ZZZ3: variants seen among roughly 807,000 people sequenced by gnomAD.
ZZZ3 encodes the protein ZZ-type zinc finger-containing protein 3.
A neutral mutation model predicts 95.2 loss-of-function variants in ZZZ3; 22 were observed. That is an observed-to-expected ratio of 0.23 (90% CI 0.17 to 0.33). The LOEUF is 0.33. Among genes scored for constraint, ZZZ3 ranks in the 10% least tolerant of loss-of-function variants. The pLI is 1.00. For missense variants in ZZZ3, 885 were observed against 1,066.5 expected, an observed-to-expected ratio of 0.83 and a Z score of 2.37; for synonymous variants, 335 against 358.9, an observed-to-expected ratio of 0.93 and a Z score of 0.75.
intron 9 of ZZZ3, chr1:77,580,778 C>A: frequency 2.4e-6 from 1 of 425,100 alleles, no homozygotes; most frequent in Non-Finnish European, 4.3e-6. Context: ...TATATATGCA[C>A]ACGCCATCAC....
chr1:77,639,482 T>A lies in ZZZ3; in HGVS notation c.-85A>T, dbSNP rs1249790296. On this transcript the variant is annotated 5_prime_UTR_variant, in exon 4 of 15. Transcript: ENST00000370801. ...CCAAAGATCTATCATTGTGGAAATA[T>A]AATCTCTTTTCCTTATATCCTGAAG... is the stretch of plus-strand genomic sequence containing the variant. 6 of 1,513,570 alleles carry A rather than the reference T, an allele frequency of 4.0e-6. No individual in the cohort carries two copies. In the African/African-American group the frequency reaches 8.4e-5, roughly 21 times the overall value. 93.8% of individuals were successfully genotyped at this position (1,513,570 alleles called of 1,614,324 possible).
intron 5 of ZZZ3, among the ~76,000 whole-genome samples, chr1:77,628,829 T>C (rs1667541026): frequency 6.6e-6 from 1 of 152,160 alleles, no homozygotes; most frequent in Non-Finnish European, 1.5e-5. Context: ...TCCCTACTGG[T>C]AGAGATATTC....
chr1:77,626,136 T>A (rs997286125), intron 5 of ZZZ3, among the ~76,000 whole-genome samples: 2 of 152,086 alleles, frequency 1.3e-5, no homozygotes, highest in Admixed American at 1.3e-4. Context: ...AAGCAAAAAA[T>A]TCACTTAATG....
chr1:77,645,412 G>C (rs1230435026), intron 1 of ZZZ3: 1 of 152,688 alleles, frequency 6.5e-6, no homozygotes, highest in African/African-American at 2.4e-5. Context: ...CTAAGTTGTA[G>C]TGCACTATGT....
intron 5 of ZZZ3, among the ~76,000 whole-genome samples, chr1:77,609,896 A>C (rs1359436887): frequency 6.6e-6 from 1 of 152,096 alleles, no homozygotes; most frequent in East Asian, 1.9e-4. Flanking sequence ...AGCCATGCTA[A>C]AAGGGAAGTT....
At chr1:77,569,282 AGCCAAGACTGT>A (rs377494412) in intron 12 of ZZZ3, among the ~76,000 whole-genome samples, 3,771 of 152,332 alleles carry the variant, frequency 0.025, 124 homozygotes, top group African/African-American at 0.087. Context: ...GGTTGCAGTG[AGCCAAGACTGT>A]GCCACTGCAC....
chr1:77,624,276 C>A (rs957478443), intron 5 of ZZZ3, among the ~76,000 whole-genome samples: 39 of 152,218 alleles, frequency 2.6e-4, no homozygotes, highest in African/African-American at 8.7e-4. Context: ...GTTCCTGAAT[C>A]CCTTAGAATT....
At chr1:77,640,414 C>T (rs942458928) in intron 3 of ZZZ3, among the ~76,000 whole-genome samples, 9 of 151,988 alleles carry the variant, frequency 5.9e-5, no homozygotes, top group African/African-American at 2.2e-4. Flanking sequence ...GCCTGGCCAA[C>T]ATGGTGAAAC....
intron 9 of ZZZ3, 45 bp downstream of exon 9, chr1:77,580,953 T>C: frequency 5.3e-6 from 8 of 1,519,504 alleles, no homozygotes; most frequent in Non-Finnish European, 7.3e-6. Context: ...ATGTTAACTG[T>C]TTACTTGTTT....
intron 1 of ZZZ3, among the ~76,000 whole-genome samples, chr1:77,681,026 C>G (rs1181847635): frequency 6.6e-6 from 1 of 152,030 alleles, no homozygotes; most frequent in African/African-American, 2.4e-5. Flanking sequence ...AGTATGCATA[C>G]GTAAGTCTTG....
intron 1 of ZZZ3, among the ~76,000 whole-genome samples, chr1:77,667,651 TGA>T (rs912502127): frequency 1.3e-5 from 2 of 152,150 alleles, no homozygotes; most frequent in Non-Finnish European, 2.9e-5. Context: ...ATTAAGTGAA[TGA>T]AAGAATGTTT....
At chr1:77,618,531 T>C (rs1666552417) in intron 5 of ZZZ3, among the ~76,000 whole-genome samples, 1 of 152,054 alleles carries the variant, frequency 6.6e-6, no homozygotes, top group South Asian at 2.1e-4. Flanking sequence ...AGACAAGCAG[T>C]GGTGAGAGAG....
chr1:77,670,076 C>T (rs908742321), intron 1 of ZZZ3, among the ~76,000 whole-genome samples: 2 of 142,998 alleles, frequency 1.4e-5, no homozygotes, highest in Admixed American at 7.0e-5. Flanking sequence ...ATTGTGACCC[C>T]CCCCCCCCAT....
chr1:77,572,422 C>A (rs1172804190), intron 12 of ZZZ3, among the ~76,000 whole-genome samples: 1 of 152,092 alleles, frequency 6.6e-6, no homozygotes, highest in Non-Finnish European at 1.5e-5. Flanking sequence ...CACTGCAAAC[C>A]TCTGCCTCCT....
chr1:77,600,735 T>C (rs1235176528), intron 5 of ZZZ3, among the ~76,000 whole-genome samples: 2 of 152,062 alleles, frequency 1.3e-5, no homozygotes, highest in Non-Finnish European at 2.9e-5. Flanking sequence ...CACAAACAGC[T>C]TTGGCGTGAC....
chr1:77,615,707 A>C (rs868806231), intron 5 of ZZZ3, among the ~76,000 whole-genome samples: 50 of 152,214 alleles, frequency 3.3e-4, no homozygotes, highest in African/African-American at 1.2e-3. Context: ...AACTGCCACC[A>C]CTGAGGATAT....
intron 9 of ZZZ3, chr1:77,580,282 G>A (rs1194626076): frequency 6.6e-6 from 1 of 152,076 alleles, no homozygotes; most frequent in Non-Finnish European, 1.5e-5. Context: ...AACAACCCTA[G>A]CCATTAGCCA....
chr1:77,642,084 T>C (rs1344016426), intron 1 of ZZZ3, among the ~76,000 whole-genome samples: 1 of 152,216 alleles, frequency 6.6e-6, no homozygotes, highest in Non-Finnish European at 1.5e-5. Context: ...GACGGTCCTT[T>C]AAATGTCACT....
chr1:77,674,199 G>A (rs1672047224), intron 1 of ZZZ3, among the ~76,000 whole-genome samples: 1 of 152,140 alleles, frequency 6.6e-6, no homozygotes, highest in Admixed American at 6.6e-5. Flanking sequence ...TGAAAACCAT[G>A]AATGCCATGA....
Sources: allele counts gnomAD v4.1 joint callset (sites outside exome capture counted in the v4.1 genomes callset), GRCh38; gene constraint gnomAD v4.1.1; transcripts MANE v1.5; gene names NCBI Gene and HGNC (gene_info 2026-07-23, HGNC 2026-07-21).